Variants in ZFP64 observed in about 807,000 individuals in gnomAD.
ZFP64 encodes zinc finger protein 64.
In ZFP64, 14 loss-of-function variants were observed where a neutral mutation model predicts 51.6. The observed-to-expected ratio is 0.27, with a 90% CI of 0.18 to 0.42. The LOEUF is 0.42. Among genes scored for constraint, ZFP64 ranks in the 10% least tolerant of loss-of-function variants. The probability of loss-of-function intolerance (pLI) is 1.00; values close to 1 mark genes in which losing one functional copy is unlikely to be tolerated. For synonymous variants in ZFP64, 375 were observed against 361.4 expected, an observed-to-expected ratio of 1.04 and a Z score of -0.43; for missense variants, 754 against 906.8, an observed-to-expected ratio of 0.83 and a Z score of 2.16.
intron 3 of ZFP64, chr20:52,165,106 A>C: frequency 2.1e-6 from 1 of 473,490 alleles, no homozygotes; most frequent in Non-Finnish European, 4.2e-6. Flanking sequence ...ATAAAATCTA[A>C]ATGCAATTAG....
At chr20:52,099,928 T>C (rs1939375542) in intron 5 of ZFP64, among the ~76,000 whole-genome samples, 1 of 152,236 alleles carries the variant, frequency 6.6e-6, no homozygotes, top group Non-Finnish European at 1.5e-5. Flanking sequence ...GATTAAGTAC[T>C]AGAAGATTCT....
intron 5 of ZFP64, among the ~76,000 whole-genome samples, chr20:52,104,223 C>A (rs571519914): frequency 9.5e-4 from 145 of 152,346 alleles, no homozygotes; most frequent in Non-Finnish European, 2.4e-4. Flanking sequence ...CCAACCCCAC[C>A]CCTGAGATTC....
chr20:52,113,826 G>A (rs1473004837), intron 5 of ZFP64, among the ~76,000 whole-genome samples: 3 of 152,132 alleles, frequency 2.0e-5, no homozygotes, highest in South Asian at 2.1e-4. Flanking sequence ...ATCCAGAAGG[G>A]ATTCAGAGAA....
chr20:52,183,233 T>A (rs1050181734), intron 2 of ZFP64, among the ~76,000 whole-genome samples: 10 of 152,120 alleles, frequency 6.6e-5, no homozygotes, highest in African/African-American at 2.4e-4. Flanking sequence ...TGAGTTGGCA[T>A]CAGCCAGGCC....
At chr20:52,091,573 A>G (rs1272953024) in intron 7 of ZFP64, among the ~76,000 whole-genome samples, 1 of 152,208 alleles carries the variant, frequency 6.6e-6, no homozygotes, top group African/African-American at 2.4e-5. Context: ...TATGAGTGTA[A>G]CATGGCTTCA....
At chr20:52,178,031 CA>C (rs112472792) in intron 2 of ZFP64, among the ~76,000 whole-genome samples, 265 of 86,076 alleles carry the variant, frequency 3.1e-3, no homozygotes, top group Admixed American at 3.8e-3. Context: ...GCCTCTGTCT[CA>C]AAAAAAAAAA....
At chr20:52,175,629 G>A (rs1273508352) in intron 2 of ZFP64, among the ~76,000 whole-genome samples, 4 of 152,186 alleles carry the variant, frequency 2.6e-5, no homozygotes, top group Admixed American at 1.3e-4. Context: ...CGGATCCCTT[G>A]AGGCCAGGAG....
intron 7 of ZFP64, among the ~76,000 whole-genome samples, chr20:52,093,285 C>G (rs941704334): frequency 6.6e-6 from 1 of 152,148 alleles, no homozygotes; most frequent in Non-Finnish European, 1.5e-5. Context: ...GGATTACAGG[C>G]AGCCACCACC....
intron 5 of ZFP64, among the ~76,000 whole-genome samples, chr20:52,159,578 CGGTG>C (rs1981603457): frequency 6.6e-6 from 1 of 152,200 alleles, no homozygotes; most frequent in African/African-American, 2.4e-5. Context: ...GGGCCAGGCA[CGGTG>C]GCTCACGCCT....
At chr20:52,132,429 T>C (rs570266683) in intron 5 of ZFP64, among the ~76,000 whole-genome samples, 3,728 of 152,072 alleles carry the variant, frequency 0.025, 92 homozygotes, top group Non-Finnish European at 0.028. Flanking sequence ...AAAAAGCTGT[T>C]TTTTTAAAAG....
chr20:52,145,887 A>C (rs1409803893), intron 5 of ZFP64, among the ~76,000 whole-genome samples: 1 of 152,152 alleles, frequency 6.6e-6, no homozygotes, highest in Admixed American at 6.5e-5. Flanking sequence ...TTCAGTAGTA[A>C]ATTAAGTATA....
chr20:52,168,745 C>T (rs1982481157), intron 2 of ZFP64, among the ~76,000 whole-genome samples: 1 of 152,168 alleles, frequency 6.6e-6, no homozygotes, highest in Non-Finnish European at 1.5e-5. Flanking sequence ...TCAGATTTAC[C>T]CCGTTACGGT....
chr20:52,143,868 T>C (rs1980390883), intron 5 of ZFP64, among the ~76,000 whole-genome samples: 1 of 142,772 alleles, frequency 7.0e-6, no homozygotes, highest in Admixed American at 7.2e-5. Context: ...ACTTTGCAAG[T>C]TACAGAAATA....
chr20:52,177,317 G>A (rs1435514477), intron 2 of ZFP64, among the ~76,000 whole-genome samples: 4 of 152,132 alleles, frequency 2.6e-5, no homozygotes, highest in Non-Finnish European at 5.9e-5. Context: ...GCAGTGGTAG[G>A]AACGTGGCCC....
In ZFP64 at chr20:52,152,941, G is replaced by T; in HGVS notation, c.1251C>A (p.Ala417=). The change falls in exon 6 of 6, where the codon GCC becomes GCA. Residue 417 remains alanine, a synonymous_variant. Coordinates refer to ENST00000216923, the MANE Select transcript of ZFP64 (RefSeq NM_018197.3). Reference sequence around the variant, plus strand: ...GGAAACTCTTCTTGGCATCCAGCTTGGCCACCTGCCGGCTGCTCTGCCTGC... The same window carrying T: ...GGAAACTCTTCTTGGCATCCAGCTTTGCCACCTGCCGGCTGCTCTGCCTGC... ...DTGRQSSRQV[A]KLDAKKSFHC... 2 of 1,613,642 alleles carry T rather than the reference G, an allele frequency of 1.2e-6. No individual in the cohort carries two copies. The highest frequency in any genetic ancestry group is 1.1e-5 in the South Asian group (1 of 91,078).
At chr20:52,119,803 C>A (rs1052927423) in intron 5 of ZFP64, among the ~76,000 whole-genome samples, 3 of 151,854 alleles carry the variant, frequency 2.0e-5, no homozygotes, top group African/African-American at 7.3e-5. Context: ...GGCAAAGAGA[C>A]GGCACTTTTG....
chr20:52,117,371 C>T (rs1462309860), intron 5 of ZFP64, among the ~76,000 whole-genome samples: 2 of 152,134 alleles, frequency 1.3e-5, no homozygotes, highest in African/African-American at 4.8e-5. Context: ...GTAGTCCCAG[C>T]ACTTTGGGAG....
chr20:52,128,139 T>TG (rs1421296383), intron 5 of ZFP64, among the ~76,000 whole-genome samples: 2 of 152,182 alleles, frequency 1.3e-5, no homozygotes, highest in African/African-American at 4.8e-5. Flanking sequence ...ACAGCCACAT[T>TG]GAAAGCCCCT....
chr20:52,084,454 A>C (rs2123190269), exon 9 of ZFP64: 1 of 1,200,214 alleles, frequency 8.3e-7, no homozygotes, highest in East Asian at 2.5e-5. Flanking sequence ...GGCCAGCCCC[A>C]GAAGTGGTGC....
Sources: gnomAD v4.1 joint callset for allele counts (sites outside exome capture counted in the v4.1 genomes callset) on GRCh38, gnomAD v4.1.1 for gene constraint, MANE v1.5 for transcripts, NCBI Gene and HGNC (gene_info 2026-07-23, HGNC 2026-07-21) for gene names.